Variants in CAPN3 observed in about 807,000 individuals in gnomAD.
The protein encoded by CAPN3 is calpain-3.
CAPN3 carries 88 observed loss-of-function variants against 114.0 expected under a neutral mutation model. The ratio of observed to expected loss-of-function variants is 0.77; its 90% CI spans 0.65 to 0.92. CAPN3 has a LOEUF of 0.92. Among genes scored for constraint, CAPN3 ranks in the 40% least tolerant of loss-of-function variants. The pLI, the probability that CAPN3 is intolerant of heterozygous loss-of-function variation, is 0.00. For missense variants in CAPN3, 1,028 were observed against 1,069.0 expected (o/e 0.96, Z 0.53); for synonymous variants, 386 against 382.9 (o/e 1.01, Z -0.09).
In CAPN3 at chr15:42,408,215, T is replaced by C; in HGVS notation, c.1805T>C (p.Ile602Thr). ...CCTCCTCCCTCCTCTCTCCAGCCCA[T>C]CATCTTCGTTTCGGACAGAGCAAAC... The part of the protein sequence containing the change: ...RPVKKKKTKP[I>T]IFVSDRANSN... Residue 602 changes from isoleucine (I) to threonine (T), a missense_variant, in exon 16 of 24, where the codon ATC (isoleucine) becomes ACC (threonine). Coordinates refer to ENST00000397163, the MANE Select transcript of CAPN3 (RefSeq NM_000070.3). The C allele has an allele frequency of 6.2e-7, 1 of 1,611,460 alleles. No individual in the cohort carries two copies. Among genetic ancestry groups the C allele is most frequent in the East Asian group, 2.2e-5 (1 of 44,840 alleles).
intron 4 of CAPN3, among the ~76,000 whole-genome samples, chr15:42,388,244 G>A (rs895169551): frequency 2.6e-5 from 4 of 152,170 alleles, no homozygotes; most frequent in Non-Finnish European, 4.4e-5. Flanking sequence ...TGTGCTTATA[G>A]CAGATTTATA....
chr15:42,409,633 C>G (rs1408020034), intron 17 of CAPN3, among the ~76,000 whole-genome samples, 154 bp from the exon 18 acceptor site: 1 of 152,132 alleles, frequency 6.6e-6, no homozygotes, highest in Non-Finnish European at 1.5e-5. Flanking sequence ...GTATCTGGCC[C>G]CCTGTCTTCC....
At chr15:42,385,856 C>A (rs1245402741) in intron 2 of CAPN3, 2 of 593,094 alleles carry the variant, frequency 3.4e-6, no homozygotes, top group Non-Finnish European at 6.5e-6. Context: ...GTTATGATCA[C>A]CTACTGCTCT....
At chr15:42,397,208 G>A (rs112593645) in intron 9 of CAPN3, among the ~76,000 whole-genome samples, 29 of 152,222 alleles carry the variant, frequency 1.9e-4, no homozygotes, top group African/African-American at 5.3e-4. Context: ...ATCTTCCAAC[G>A]TCAACCTCAC....
In CAPN3 at chr15:42,402,839, A is replaced by G. The variant is rs2053911560; in HGVS notation, c.1582A>G (p.Asn528Asp). 1 of 1,614,036 alleles carries G rather than the reference A, an allele frequency of 6.2e-7. No homozygotes were observed. Among genetic ancestry groups the G allele is most frequent in the East Asian group, 2.2e-5 (1 of 44,890 alleles). Reference sequence around the variant, plus strand: ...CCTGCAGAAGGACTTCTTCCTGTACAACGCCTCCAAGGCCAGGAGCAAAAC... The same window carrying G: ...CCTGCAGAAGGACTTCTTCCTGTACGACGCCTCCAAGGCCAGGAGCAAAAC... ...QHLQKDFFLY[N>D]ASKARSKTYI... Residue 528 changes from asparagine (N) to aspartate (D), a missense_variant, in exon 13 of 24, where the codon AAC becomes GAC. Coordinates refer to ENST00000397163, the MANE Select transcript of CAPN3 (RefSeq NM_000070.3).
At chr15:42,403,646 G>A (rs1474328341) in intron 13 of CAPN3, 95 bp from the exon 14 acceptor site, 1 of 1,173,346 alleles carries the variant, frequency 8.5e-7, no homozygotes, top group East Asian at 2.3e-5. Flanking sequence ...GTTCTGGCTT[G>A]GCTGCCAGGA....
rs150772034 is a variant in CAPN3, at chr15:42,411,419, C to G, written c.2439+74C>G. 2.1e-3 allele frequency: 2,815 copies of G among 1,321,680 alleles called. 17 individuals are homozygous for G. Among genetic ancestry groups the G allele is most frequent in the South Asian group, 8.1e-3 (691 of 85,294 alleles). The allele number at this position is 1,321,680 out of a possible 1,614,324, so 81.9% of individuals were successfully genotyped here. A position where few individuals can be genotyped will look rare whatever the true frequency, so the allele number is the denominator to read the frequency against. On this transcript the variant is annotated intron_variant, in intron 23 of 23. Transcript: ENST00000397163. ...GGAGGGGTCAACGGGGCGGACTGGA[C>G]CCAGGGTGTGCTCCTCATTTCCACA...
intron 13 of CAPN3, 25 bp downstream of exon 13, chr15:42,403,027 C>G (rs372664793): frequency 1.6e-5 from 26 of 1,601,352 alleles, no homozygotes; most frequent in Non-Finnish European, 2.1e-5. Context: ...AGCTTTCCCA[C>G]GTGTTTCTAA....
intron 10 of CAPN3, among the ~76,000 whole-genome samples, chr15:42,400,828 A>G (rs181473883): frequency 6.6e-6 from 1 of 152,274 alleles, no homozygotes; most frequent in African/African-American, 2.4e-5. Flanking sequence ...AAGATTTGTA[A>G]TAGAGCATCG....
chr15:42,390,088 C>T lies in CAPN3; in HGVS notation c.937C>T (p.Pro313Ser). The T allele has an allele frequency of 1.2e-6, 2 of 1,614,148 alleles. No individual in the cohort carries two copies. Among genetic ancestry groups the T allele is most frequent in the South Asian group, 2.2e-5 (2 of 91,078 alleles). ...CGACCCCAGAGGCTCAGATGAAAGA[C>T]CGACCCGGGTGTGTACACCTCCGAT... ...DLDPRGSDER[P>S]TRTIIPVQYE... Residue 313 changes from proline (P) to serine (S), a missense_variant, in exon 6 of 24, where the codon CCG becomes TCG. Coordinates refer to ENST00000397163, the MANE Select transcript of CAPN3 (RefSeq NM_000070.3).
chr15:42,373,795 G>A (rs2053016758), intron 1 of CAPN3, among the ~76,000 whole-genome samples: 1 of 152,130 alleles, frequency 6.6e-6, no homozygotes, highest in Non-Finnish European at 1.5e-5. Flanking sequence ...CATCAGGAGT[G>A]TGAAGGCGTC....
In CAPN3 at chr15:42,410,942, C is replaced by G. The variant is rs2054204281; in HGVS notation, c.2322C>G (p.His774Gln). The G allele has an allele frequency of 6.2e-7, 1 of 1,614,218 alleles. No individual in the cohort carries two copies. Among genetic ancestry groups the G allele is most frequent in the African/African-American group, 1.3e-5 (1 of 75,062 alleles). The change falls in exon 22 of 24, where the codon CAC becomes CAG. Residue 774 changes from histidine to glutamine, a missense_variant. Physicochemically the swap from His to Gln is conservative, Grantham distance 24. Transcript: ENST00000397163. ...DIITMRYADK[H>Q]MNIDFDSFIC... The stretch of plus-strand genomic sequence containing the variant: ...TTACCATGCGGTACGCAGACAAACA[C>G]ATGAACATCGACTTTGACAGTTTCA...
rs1275648012 is a variant in CAPN3 at position 42,396,894 on chromosome 15, G to A, written c.1193+17G>A. 1 of 1,588,934 alleles carries A rather than the reference G, an allele frequency of 6.3e-7. No individual in the cohort carries two copies. Among genetic ancestry groups the A allele is most frequent in the Admixed American group, 1.7e-5 (1 of 59,952 alleles). On this transcript the variant is annotated intron_variant, in intron 9 of 23. Transcript: ENST00000397163. ...AGAGTTCTGGTGAGTCCAGAACCCA[G>A]GAAGACCCAGAAGGGTAAGGGTGGG...
chr15:42,385,184 C>G (rs1275286503), intron 2 of CAPN3, among the ~76,000 whole-genome samples: 1 of 152,052 alleles, frequency 6.6e-6, no homozygotes, highest in Non-Finnish European at 1.5e-5. Context: ...GAGAGAACAC[C>G]AACAGAAACA....
At chr15:42,382,694 A>G (rs1408615023) in intron 1 of CAPN3, among the ~76,000 whole-genome samples, 1 of 151,958 alleles carries the variant, frequency 6.6e-6, no homozygotes, top group Non-Finnish European at 1.5e-5. Flanking sequence ...TATGGTTCAT[A>G]TTTCTTAGTA....
At position 42,389,732 on chromosome 15, in the gene CAPN3, G is replaced by A. The variant is rs2412709; in HGVS notation, c.802-221G>A. On this transcript the variant is annotated intron_variant, in intron 5 of 23. Transcript: ENST00000397163. ...TTCCTGCCCCTTCTTCTCCCAACAC[G>A]CCCAATGGACAGCTTGGAAGGTCAG... Among the ~76,000 whole-genome samples, 17,372 of 152,094 alleles carry A rather than the reference G, an allele frequency of 0.11. 1,256 individuals are homozygous for A. Among genetic ancestry groups the A allele is most frequent in the Admixed American group, 0.21 (3,214 of 15,290 alleles).
intron 11 of CAPN3, 148 bp downstream of exon 11, chr15:42,401,958 C>G: frequency 3.0e-6 from 4 of 1,333,830 alleles, no homozygotes; most frequent in Non-Finnish European, 3.2e-6. Context: ...TTGTAACAAG[C>G]AAAAAATACC....
chr15:42,398,590 TACACACACACAC>T (rs376966106), intron 9 of CAPN3, among the ~76,000 whole-genome samples: 3,020 of 120,312 alleles, frequency 0.025, 130 homozygotes, highest in African/African-American at 0.082. Flanking sequence ...TCTCAAAAAA[TACACACACACAC>T]ACACACACAC....
At chr15:42,380,749 A>ATTTTTTT (rs2053226229) in intron 1 of CAPN3, among the ~76,000 whole-genome samples, 5 of 59,482 alleles carry the variant, frequency 8.4e-5, no homozygotes, top group African/African-American at 3.7e-4. Flanking sequence ...ATATATATAT[A>ATTTTTTT]TATTTTTTTT....
Sources: gnomAD v4.1 joint callset for allele counts (sites outside exome capture counted in the v4.1 genomes callset) on GRCh38, gnomAD v4.1.1 for gene constraint, MANE v1.5 for transcripts, NCBI Gene and HGNC (gene_info 2026-07-23, HGNC 2026-07-21) for gene names.